CSMD2: variants seen among roughly 807,000 people sequenced by gnomAD.
CSMD2 encodes CUB and Sushi multiple domains 2.
CSMD2 carries 130 observed loss-of-function variants against 398.5 expected under a neutral mutation model. That is an observed-to-expected ratio of 0.33 (90% CI 0.28 to 0.38). CSMD2 has a LOEUF of 0.38. Among genes scored for constraint, CSMD2 ranks in the 10% least tolerant of loss-of-function variants. CSMD2 has a pLI of 1.00. For synonymous variants in CSMD2, 1,828 were observed against 1,908.5 expected, an observed-to-expected ratio of 0.96 and a Z score of 1.10; for missense variants, 3,829 against 4,764.9, an observed-to-expected ratio of 0.80 and a Z score of 5.78.
intron 2 of CSMD2, among the ~76,000 whole-genome samples, chr1:34,085,147 G>A (rs1006879190): frequency 2.0e-5 from 3 of 151,918 alleles, no homozygotes; most frequent in Non-Finnish European, 4.4e-5. Flanking sequence ...ACCAAACACC[G>A]CATGTTCTCA....
intron 5 of CSMD2, among the ~76,000 whole-genome samples, chr1:33,915,170 T>G (rs755813976): frequency 1.3e-5 from 2 of 152,160 alleles, no homozygotes; most frequent in Non-Finnish European, 2.9e-5. Context: ...GTTGTCCAAA[T>G]CCATCTTTGC....
chr1:33,951,553 C>T lies in CSMD2; in HGVS notation c.518-15599G>A, dbSNP rs191150394. On this transcript the variant is annotated intron_variant, in intron 3 of 70. Coordinates refer to ENST00000373381, the MANE Select transcript of CSMD2 (RefSeq NM_001281956.2). Reference sequence around the variant, plus strand: ...GACTGCCAAGAAAAATCAATCTCTTCCCTGGCTTTCTCCCACCTACCCCCT... The same window carrying T: ...GACTGCCAAGAAAAATCAATCTCTTTCCTGGCTTTCTCCCACCTACCCCCT... 1.6e-3 allele frequency among the ~76,000 whole-genome samples: 244 copies of T among 152,310 alleles called. 1 individual carries two copies. The highest frequency in any genetic ancestry group is 5.7e-3 in the African/African-American group (238 of 41,572).
intron 1 of CSMD2, among the ~76,000 whole-genome samples, chr1:34,092,880 A>C (rs10465523): frequency 3.7e-3 from 528 of 143,300 alleles, no homozygotes; most frequent in African/African-American, 0.014. Context: ...AAGCAGCCGG[A>C]AAGCTCGAAC....
At chr1:34,016,174 C>A (rs1648084512) in intron 3 of CSMD2, among the ~76,000 whole-genome samples, 1 of 152,078 alleles carries the variant, frequency 6.6e-6, no homozygotes, top group South Asian at 2.1e-4. Context: ...TTCTGGGATA[C>A]ATGTTCTGAA....
chr1:33,703,664 C>T (rs549737210), intron 22 of CSMD2, among the ~76,000 whole-genome samples: 2 of 152,328 alleles, frequency 1.3e-5, no homozygotes, highest in Admixed American at 6.5e-5. Context: ...CGCTTGCACA[C>T]GTGTGCTTGA....
intron 2 of CSMD2, among the ~76,000 whole-genome samples, chr1:34,078,222 C>T (rs1656658639): frequency 6.6e-6 from 1 of 151,604 alleles, no homozygotes; most frequent in Non-Finnish European, 1.5e-5. Context: ...GGTGGTCTGG[C>T]CCCACTGTCT....
chr1:33,775,106 AT>A (rs1351911428), intron 12 of CSMD2, among the ~76,000 whole-genome samples: 1 of 152,226 alleles, frequency 6.6e-6, no homozygotes, highest in East Asian at 1.9e-4. Flanking sequence ...CATCTACAAA[AT>A]TTCAAGGGGC....
At chr1:34,030,636 C>T (rs1650293175) in intron 3 of CSMD2, among the ~76,000 whole-genome samples, 1 of 152,236 alleles carries the variant, frequency 6.6e-6, no homozygotes, top group Non-Finnish European at 1.5e-5. Context: ...TTTCACGGGA[C>T]TCTGAATGTG....
At chr1:34,135,259 C>A (rs1174722097) in intron 1 of CSMD2, among the ~76,000 whole-genome samples, 1 of 145,592 alleles carries the variant, frequency 6.9e-6, no homozygotes, top group Non-Finnish European at 1.5e-5. Context: ...CACACACACA[C>A]ACACACACAC....
chr1:33,929,415 T>C (rs1024510627), intron 4 of CSMD2, among the ~76,000 whole-genome samples: 4 of 145,544 alleles, frequency 2.7e-5, no homozygotes, highest in Admixed American at 6.8e-5. Context: ...CCTCCTGAAC[T>C]CAGAACCAAG....
chr1:33,849,794 T>A (rs1012264733), intron 5 of CSMD2, among the ~76,000 whole-genome samples: 2 of 147,952 alleles, frequency 1.4e-5, no homozygotes, highest in African/African-American at 5.0e-5. Flanking sequence ...TTGGATAGCA[T>A]CTCCAAAATA....
At chr1:33,903,667 GC>G (rs1338945111) in intron 5 of CSMD2, among the ~76,000 whole-genome samples, 1 of 152,144 alleles carries the variant, frequency 6.6e-6, no homozygotes, top group African/African-American at 2.4e-5. Context: ...TCACGGTTCT[GC>G]TGGCAATGGC....
intron 3 of CSMD2, among the ~76,000 whole-genome samples, chr1:33,963,041 C>A (rs960969661): frequency 6.6e-6 from 1 of 152,240 alleles, no homozygotes; most frequent in Non-Finnish European, 1.5e-5. Context: ...GAATGAAGAG[C>A]AGGTGTCACC....
intron 3 of CSMD2, among the ~76,000 whole-genome samples, chr1:33,940,900 A>T (rs1156970448): frequency 1.3e-5 from 2 of 152,142 alleles, no homozygotes; most frequent in African/African-American, 4.8e-5. Flanking sequence ...GTCTTTTGTT[A>T]TGTGTCTAAT....
In CSMD2 at chr1:33,743,407, C is replaced by T. The variant is rs138102189; in HGVS notation, c.2046G>A (p.Ala682=). 94 of 1,614,032 alleles carry T rather than the reference C, an allele frequency of 5.8e-5. No homozygotes were observed. The highest frequency in any genetic ancestry group is 5.3e-4 in the South Asian group (48 of 91,082). The change falls in exon 14 of 71, where the codon GCG becomes GCA. Residue 682 remains alanine (A), a synonymous_variant. Coordinates refer to ENST00000373381, the MANE Select transcript of CSMD2 (RefSeq NM_001281956.2). ...LVIKDGATAE[A]PVLGTFSGNQ... ...TTCCTGAGAAGGTGCCCAGGACGGG[C>T]GCCTCGGCGGTGGCCCCATCCTTGA...
intron 3 of CSMD2, among the ~76,000 whole-genome samples, chr1:33,945,230 T>C (rs924505580): frequency 1.3e-5 from 2 of 152,044 alleles, no homozygotes; most frequent in South Asian, 2.1e-4. Context: ...CCAGTTCGAT[T>C]TGAAGTTCAG....
intron 4 of CSMD2, among the ~76,000 whole-genome samples, chr1:33,925,996 A>C (rs1020938286): frequency 6.6e-6 from 1 of 152,150 alleles, no homozygotes; most frequent in Non-Finnish European, 1.5e-5. Flanking sequence ...GGATCTTTAC[A>C]GAAATAGAAT....
At chr1:33,797,108 A>C (rs1264773762) in intron 10 of CSMD2, among the ~76,000 whole-genome samples, 1 of 152,154 alleles carries the variant, frequency 6.6e-6, no homozygotes. Context: ...AGTAGTTCTG[A>C]ATTTGTCCTT....
chr1:33,666,539 ATATG>A lies in CSMD2; in HGVS notation c.4053-3451_4053-3448del, dbSNP rs905076572. On this transcript the variant is annotated intron_variant, in intron 25 of 70. Transcript: ENST00000373381. The stretch of plus-strand genomic sequence containing the variant: ...TCTAGTTATTTATTGTCAGATATAT[ATATG>A]TGTGTGTGTGTGTGTGTGTGTGTGT... Among the ~76,000 whole-genome samples, 37 of 75,754 alleles carry A rather than the reference ATATG, an allele frequency of 4.9e-4. No individual in the cohort carries two copies. The East Asian group carries it at 9.7e-3, about 20-fold the overall frequency. 49.7% of individuals were successfully genotyped at this position (75,754 alleles called of 152,430 possible). A position where few individuals can be genotyped will look rare whatever the true frequency, so the allele number is the denominator to read the frequency against.
Sources: allele counts gnomAD v4.1 joint callset (sites outside exome capture counted in the v4.1 genomes callset), GRCh38; gene constraint gnomAD v4.1.1; transcripts MANE v1.5; gene names NCBI Gene and HGNC (gene_info 2026-07-23, HGNC 2026-07-21).